Variants in RUNX1 observed in about 807,000 individuals in gnomAD.
The protein encoded by RUNX1 is RUNX family transcription factor 1, also known as runt-related transcription factor 1.
In RUNX1, 19 loss-of-function variants were observed where a neutral mutation model predicts 42.8. That is an observed-to-expected ratio of 0.44 (90% CI 0.31 to 0.65). The LOEUF (loss-of-function observed/expected upper bound fraction) is 0.65, where lower values mean the gene tolerates loss of function less well. RUNX1 is among the 30% of genes least tolerant of loss of function. The probability of loss-of-function intolerance (pLI) is 0.07; values close to 1 mark genes in which losing one functional copy is unlikely to be tolerated. For synonymous variants in RUNX1, 271 were observed against 289.4 expected (o/e 0.94, Z 0.64); for missense variants, 528 against 672.0 (o/e 0.79, Z 2.37).
At chr21:35,005,253 T>TA (rs1421080748) in intron 2 of RUNX1, among the ~76,000 whole-genome samples, 3 of 152,154 alleles carry the variant, frequency 2.0e-5, no homozygotes, top group Non-Finnish European at 4.4e-5. Flanking sequence ...GGCTGCATTT[T>TA]ACTCAGTAAA....
At chr21:34,937,320 C>CAAAAAAAAAA (rs35504628) in intron 2 of RUNX1, among the ~76,000 whole-genome samples, 1 of 122,212 alleles carries the variant, frequency 8.2e-6, no homozygotes, top group African/African-American at 3.1e-5. Context: ...GGCCATCAGC[C>CAAAAAAAAAA]AAAAAAAAAA....
At chr21:34,890,967 C>G (rs1039526664) in intron 3 of RUNX1, among the ~76,000 whole-genome samples, 1 of 152,120 alleles carries the variant, frequency 6.6e-6, no homozygotes, top group African/African-American at 2.4e-5. Context: ...CCCCGAGATG[C>G]GGGAGGGAGC....
chr21:34,858,162 C>G (rs898956904), intron 6 of RUNX1, among the ~76,000 whole-genome samples: 3 of 152,202 alleles, frequency 2.0e-5, no homozygotes, highest in Admixed American at 1.3e-4. Context: ...GTTGATGCAG[C>G]TTGGGGAATG....
Position 34,792,249 on chromosome 21 carries a change from G to A in RUNX1, c.1329C>T (p.Asn443=). The A allele has an allele frequency of 6.5e-7, 1 of 1,538,688 alleles. No individual in the cohort carries two copies. Among genetic ancestry groups the A allele is most frequent in the East Asian group, 2.4e-5 (1 of 41,246 alleles). ...CGTCGCTCTGGTTCGGGAGGCTGGG[G>A]TTGAGCAGCGCGGAGCCGGTGGAGG... ...TNASTGSALL[N]PSLPNQSDVV... is the part of the protein sequence containing the mutation. Residue 443 remains asparagine, a synonymous_variant, in exon 9 of 9, where the codon AAC becomes AAT. Coordinates refer to ENST00000675419, the MANE Select transcript of RUNX1 (RefSeq NM_001754.5). The surrounding 1 kb of genome is among the most constrained non-coding windows in gnomAD (Gnocchi z 6.9).
intron 2 of RUNX1, among the ~76,000 whole-genome samples, chr21:34,989,360 T>G (rs2058918879): frequency 6.6e-6 from 1 of 151,932 alleles, no homozygotes. Flanking sequence ...TTGGGGTAGC[T>G]TCTTAGTTCG....
intron 2 of RUNX1, among the ~76,000 whole-genome samples, chr21:34,950,508 G>A (rs1415084111): frequency 6.6e-6 from 1 of 152,190 alleles, no homozygotes; most frequent in East Asian, 1.9e-4. Flanking sequence ...GGAGGCCGAG[G>A]CAGGTGGATC....
Position 34,799,414 on chromosome 21 carries a change from T to C in RUNX1, c.854A>G (p.Tyr285Cys), listed in dbSNP as rs1191218095. 4 of 1,614,154 alleles carry C rather than the reference T, an allele frequency of 2.5e-6. No homozygotes were observed. The highest frequency in any genetic ancestry group is 3.4e-6 in the Non-Finnish European group (4 of 1,179,998). The change falls in exon 8 of 9, where the codon TAC (tyrosine) becomes TGC (cysteine). Residue 285 changes from tyrosine (Y) to cysteine (C), a missense_variant. Coordinates refer to ENST00000675419, the MANE Select transcript of RUNX1 (RefSeq NM_001754.5). ...AGAGGCAATGGATCCCAGGTATTGG[T>C]AGGACTGATCGTAGGACCACGGTGG... Reference protein sequence around the residue: ...PSPPWSYDQSYQYLGSIASPS... With the variant: ...PSPPWSYDQSCQYLGSIASPS...
At chr21:34,920,495 A>T (rs2146552514) in intron 2 of RUNX1, among the ~76,000 whole-genome samples, 1 of 152,320 alleles carries the variant, frequency 6.6e-6, no homozygotes, top group Admixed American at 6.5e-5. Context: ...CCATGTAAGC[A>T]TTTGTACCTT....
intron 6 of RUNX1, among the ~76,000 whole-genome samples, chr21:34,847,061 G>A (rs2146152990): frequency 1.3e-5 from 2 of 152,306 alleles, no homozygotes; most frequent in South Asian, 4.1e-4. Context: ...TACGGACTCA[G>A]CAACTCTTAG....
At chr21:34,821,775 C>T in intron 7 of RUNX1, 3 of 1,269,350 alleles carry the variant, frequency 2.4e-6, no homozygotes, top group Non-Finnish European at 3.2e-6. Context: ...GCATTCCCCT[C>T]CCCTACCCCA....
rs562758294 is a variant in RUNX1, at chr21:34,908,461, G to A, written c.59-15498C>T. 4.6e-5 allele frequency among the ~76,000 whole-genome samples: 7 copies of A among 152,322 alleles called. No individual in the cohort carries two copies. In the South Asian group the frequency reaches 1.4e-3, roughly 32 times the overall value. Reference sequence around the variant, plus strand: ...AGTAGTATAAAACATAGTCTTGGATGATACAGCAAGGTCGTTGCTCAATTT... The same window carrying A: ...AGTAGTATAAAACATAGTCTTGGATAATACAGCAAGGTCGTTGCTCAATTT... On this transcript the variant is annotated intron_variant, in intron 2 of 8. Coordinates refer to ENST00000675419, the MANE Select transcript of RUNX1 (RefSeq NM_001754.5).
chr21:34,805,983 A>G (rs1485995582), intron 7 of RUNX1, among the ~76,000 whole-genome samples: 1 of 152,222 alleles, frequency 6.6e-6, no homozygotes, highest in Non-Finnish European at 1.5e-5. Context: ...CATTTTTAAA[A>G]AGAATGATTA....
intron 6 of RUNX1, among the ~76,000 whole-genome samples, chr21:34,841,535 A>G (rs76692587): frequency 0.027 from 4,120 of 152,246 alleles, 67 homozygotes; most frequent in African/African-American, 0.04. Context: ...ACCTGAGGTC[A>G]GGTGGCATTT....
chr21:34,947,780 C>T (rs142751908), intron 2 of RUNX1, among the ~76,000 whole-genome samples: 1 of 152,356 alleles, frequency 6.6e-6, no homozygotes, highest in East Asian at 1.9e-4. Flanking sequence ...GCTGTGCTGT[C>T]TACGAACCCA....
intron 2 of RUNX1, among the ~76,000 whole-genome samples, chr21:34,926,241 G>A (rs983684735): frequency 3.3e-5 from 5 of 151,820 alleles, no homozygotes; most frequent in Admixed American, 1.3e-4. Context: ...TTGTGAGGTC[G>A]AGGTGGGCAG....
intron 6 of RUNX1, among the ~76,000 whole-genome samples, chr21:34,847,604 C>T (rs2057335879): frequency 6.6e-6 from 1 of 152,156 alleles, no homozygotes; most frequent in African/African-American, 2.4e-5. Context: ...AGGCAGAACT[C>T]ATAGTATTAT....
intron 3 of RUNX1, among the ~76,000 whole-genome samples, chr21:34,890,004 C>G (rs2058060323): frequency 6.6e-6 from 1 of 152,164 alleles, no homozygotes; most frequent in African/African-American, 2.4e-5. Context: ...GGGTCCCTCG[C>G]CGACCTCACG....
At chr21:34,801,037 A>G (rs905607344) in intron 7 of RUNX1, among the ~76,000 whole-genome samples, 20 of 152,218 alleles carry the variant, frequency 1.3e-4, no homozygotes, top group African/African-American at 2.9e-4. Context: ...AGTGTTTCCA[A>G]TGACTAAAGG....
At chr21:34,999,766 G>T (rs563116719) in intron 2 of RUNX1, among the ~76,000 whole-genome samples, 28 of 152,310 alleles carry the variant, frequency 1.8e-4, no homozygotes, top group African/African-American at 6.3e-4. Flanking sequence ...CTTCTCTCCC[G>T]TTAGGCACAA....
Sources: allele counts gnomAD v4.1 joint callset (sites outside exome capture counted in the v4.1 genomes callset), GRCh38; gene constraint gnomAD v4.1.1; non-coding constraint Gnocchi (gnomAD v3.1); transcripts MANE v1.5; gene names NCBI Gene and HGNC (gene_info 2026-07-23, HGNC 2026-07-21).